The following M1AP variants were observed in gnomAD, a reference collection of about 807,000 sequenced individuals.
M1AP encodes meiosis 1 associated protein.
A neutral mutation model predicts 51.2 loss-of-function variants in M1AP; 39 were observed. That is an observed-to-expected ratio of 0.76 (90% CI 0.59 to 1.00). The LOEUF is 1.00. M1AP is among the 50% of genes least tolerant of loss of function. M1AP has a pLI of 0.00. For missense variants in M1AP, 545 were observed against 641.2 expected (o/e 0.85, Z 1.62); for synonymous variants, 251 against 249.2 (o/e 1.01, Z -0.07).
At chr2:74,604,588 C>T (rs1399825305) in intron 4 of M1AP, among the ~76,000 whole-genome samples, 1 of 152,168 alleles carries the variant, frequency 6.6e-6, no homozygotes, top group Non-Finnish European at 1.5e-5. Flanking sequence ...CTTGCCACCA[C>T]CCTTCCCTCC....
At chr2:74,610,728 G>GT (rs1160051379) in intron 3 of M1AP, among the ~76,000 whole-genome samples, 1 of 152,196 alleles carries the variant, frequency 6.6e-6, no homozygotes, top group African/African-American at 2.4e-5. Flanking sequence ...GATTACAGGC[G>GT]TGAGCTACTG....
chr2:74,639,719 T>C (rs1353693116), intron 2 of M1AP, among the ~76,000 whole-genome samples: 1 of 152,222 alleles, frequency 6.6e-6, no homozygotes, highest in African/African-American at 2.4e-5. Flanking sequence ...TGTGTTTACA[T>C]TTCAAAGGGC....
intron 9 of M1AP, among the ~76,000 whole-genome samples, chr2:74,559,936 C>T (rs1484076458): frequency 6.6e-6 from 1 of 152,208 alleles, no homozygotes; most frequent in Non-Finnish European, 1.5e-5. Context: ...ACAATTAAAA[C>T]ACCTGAACAT....
chr2:74,646,609 C>T (rs1337357774), intron 1 of M1AP, among the ~76,000 whole-genome samples: 1 of 152,154 alleles, frequency 6.6e-6, no homozygotes, highest in Non-Finnish European at 1.5e-5. Context: ...AGAAGTATGT[C>T]AGTTTGCCAA....
chr2:74,615,069 T>C lies in M1AP; in HGVS notation c.321A>G (p.Ser107=). Residue 107 remains serine, a synonymous_variant, in exon 3 of 11, where the codon TCA becomes TCG. Transcript: ENST00000421985. ...CTGCCAGCCGCAGAGAAGCACCTTG[T>C]GATCTGAAACACCCTTCTCTCTGTA... is the stretch of plus-strand genomic sequence containing the variant. ...RMLQREGCFR[S]QGASLRLAVE... 1.2e-6 allele frequency: 2 copies of C among 1,614,188 alleles called. No homozygotes were observed. The highest frequency in any genetic ancestry group is 1.7e-6 in the Non-Finnish European group (2 of 1,180,020).
At chr2:74,568,751 C>T (rs1678542275) in intron 7 of M1AP, among the ~76,000 whole-genome samples, 1 of 152,098 alleles carries the variant, frequency 6.6e-6, no homozygotes. Flanking sequence ...TGGGACCTTC[C>T]AAAGGGAGGG....
At chr2:74,584,583 A>G (rs895772618) in intron 4 of M1AP, among the ~76,000 whole-genome samples, 2 of 151,526 alleles carry the variant, frequency 1.3e-5, no homozygotes, top group African/African-American at 2.4e-5. Context: ...CTCCCCAGGG[A>G]AAGGGTGGAT....
chr2:74,586,949 C>A (rs1417462810), intron 4 of M1AP, among the ~76,000 whole-genome samples: 1 of 150,904 alleles, frequency 6.6e-6, no homozygotes, highest in African/African-American at 2.4e-5. Context: ...TTGCAGTGAA[C>A]TGAGATCGCG....
In M1AP at chr2:74,614,992, C is replaced by T; in HGVS notation, c.398G>A (p.Arg133Lys). The change falls in exon 3 of 11, where the codon AGG becomes AAG. Residue 133 changes from arginine (R) to lysine (K), a missense_variant. Transcript: ENST00000421985. Reference sequence around the variant, plus strand: ...CAGGGAGGTATAGGTCAGAGCTGCCCTTGTGGTCACATGTCTGCTGTATTG... The same window carrying T: ...CAGGGAGGTATAGGTCAGAGCTGCCTTTGTGGTCACATGTCTGCTGTATTG... ...FKQYSRHVTT[R>K]AALTYTSLEI... The T allele has an allele frequency of 6.2e-7, 1 of 1,614,160 alleles. No homozygotes were observed. The highest frequency in any genetic ancestry group is 1.7e-4 in the Middle Eastern group (1 of 6,048).
chr2:74,570,639 G>C (rs1678677293), intron 7 of M1AP, among the ~76,000 whole-genome samples: 1 of 152,202 alleles, frequency 6.6e-6, no homozygotes, highest in African/African-American at 2.4e-5. Context: ...GGTAGGATTT[G>C]AACACACAGA....
At chr2:74,640,463 ATT>A (rs757761825) in intron 1 of M1AP, 136 bp from the exon 2 acceptor site, 9,900 of 503,210 alleles carry the variant, frequency 0.02, no homozygotes, top group East Asian at 0.041. Flanking sequence ...AGGCCATCCT[ATT>A]TTTTTTTTTT....
intron 4 of M1AP, among the ~76,000 whole-genome samples, chr2:74,606,727 T>A (rs906560455): frequency 6.6e-6 from 1 of 152,046 alleles, no homozygotes; most frequent in Non-Finnish European, 1.5e-5. Flanking sequence ...GGATATATTG[T>A]TTCTGAAATA....
chr2:74,632,780 G>C (rs551604610), intron 2 of M1AP, among the ~76,000 whole-genome samples: 41 of 152,252 alleles, frequency 2.7e-4, no homozygotes, highest in Admixed American at 1.3e-3. Context: ...CTCTTTCCTA[G>C]CTTAGTTGAG....
chr2:74,583,558 A>G (rs960001126), intron 4 of M1AP, among the ~76,000 whole-genome samples: 1 of 152,180 alleles, frequency 6.6e-6, no homozygotes, highest in Non-Finnish European at 1.5e-5. Context: ...CAAATAAGGG[A>G]AGAACTAGAA....
chr2:74,620,231 T>C (rs1320816361), intron 2 of M1AP, among the ~76,000 whole-genome samples: 1 of 152,172 alleles, frequency 6.6e-6, no homozygotes. Flanking sequence ...GGAAGGAATA[T>C]CTGAAAAGGA....
At chr2:74,623,742 A>G (rs1006446764) in intron 2 of M1AP, among the ~76,000 whole-genome samples, 4 of 152,162 alleles carry the variant, frequency 2.6e-5, no homozygotes, top group African/African-American at 9.7e-5. Context: ...CGTGATCATG[A>G]TTCACTGCAG....
chr2:74,562,319 G>A lies in M1AP; in HGVS notation c.1179C>T (p.Leu393=), dbSNP rs759950731. 1.2e-6 allele frequency: 2 copies of A among 1,614,274 alleles called. No individual in the cohort carries two copies. The highest frequency in any genetic ancestry group is 1.1e-5 in the South Asian group (1 of 91,092). Residue 393 remains leucine (L), a synonymous_variant, in exon 8 of 11, where the codon CTC becomes CTT. Transcript: ENST00000421985. ...TGGCCACCGCCTTTACCAGCAGTGT[G>A]AGGGAGTGTGACGGCATGATCACAT... The part of the protein sequence containing the change: ...TFYVIMPSHS[L]TLLVKAVATR...
chr2:74,619,016 T>C, intron 2 of M1AP: 2 of 521,888 alleles, frequency 3.8e-6, no homozygotes, highest in South Asian at 2.8e-5. Context: ...TATTTTCACG[T>C]CTGTACTTCA....
At chr2:74,647,956 C>G (rs540031293) in intron 1 of M1AP, 1 of 942,662 alleles carries the variant, frequency 1.1e-6, no homozygotes, top group Non-Finnish European at 1.3e-6. Context: ...TCCGTGGTCC[C>G]TCGGCATGGC....
Sources: gnomAD v4.1 joint callset for allele counts (sites outside exome capture counted in the v4.1 genomes callset) on GRCh38, gnomAD v4.1.1 for gene constraint, MANE v1.5 for transcripts, NCBI Gene and HGNC (gene_info 2026-07-23, HGNC 2026-07-21) for gene names.